TTC9C: variants seen among roughly 807,000 people sequenced by gnomAD.
The protein encoded by TTC9C is tetratricopeptide repeat domain 9C, also known as tetratricopeptide repeat protein 9C.
Under a neutral mutation model 22.5 loss-of-function variants are expected in TTC9C, and 15 were observed. The observed-to-expected ratio is 0.67, with a 90% CI of 0.45 to 1.03. The LOEUF (loss-of-function observed/expected upper bound fraction) is 1.03. Among genes scored for constraint, TTC9C ranks in the 50% least tolerant of loss-of-function variants. The probability of loss-of-function intolerance (pLI) is 0.00; values close to 1 mark genes in which losing one functional copy is unlikely to be tolerated. For missense variants in TTC9C, 244 were observed against 214.6 expected, an observed-to-expected ratio of 1.14 and a Z score of -0.86; for synonymous variants, 92 against 86.8, an observed-to-expected ratio of 1.06 and a Z score of -0.33.
chr11:62,737,530 G>A (rs1354253102), intron 2 of TTC9C, among the ~76,000 whole-genome samples: 1 of 152,164 alleles, frequency 6.6e-6, no homozygotes, highest in Non-Finnish European at 1.5e-5. Context: ...GATACTAGTA[G>A]CAGAGTCACC....
chr11:62,731,299 A>G (rs1362726237), intron 1 of TTC9C, among the ~76,000 whole-genome samples: 1 of 152,026 alleles, frequency 6.6e-6, no homozygotes, highest in African/African-American at 2.4e-5. Flanking sequence ...ACTTATCCAG[A>G]TTTGGACTCA....
At chr11:62,730,699 A>G (rs762057911) in intron 1 of TTC9C, among the ~76,000 whole-genome samples, 1 of 151,970 alleles carries the variant, frequency 6.6e-6, no homozygotes, top group Non-Finnish European at 1.5e-5. Context: ...TCAGCCTCCC[A>G]AGTAGCTGGG....
intron 2 of TTC9C, among the ~76,000 whole-genome samples, chr11:62,737,191 T>C (rs1036184014): frequency 6.6e-6 from 1 of 152,050 alleles, no homozygotes; most frequent in African/African-American, 2.4e-5. Flanking sequence ...AGAGGGAGAC[T>C]CCATCTCAAA....
intron 1 of TTC9C, among the ~76,000 whole-genome samples, chr11:62,734,688 GCCCAGGCTGGT>G (rs1454924620): frequency 6.6e-6 from 1 of 152,038 alleles, no homozygotes; most frequent in Admixed American, 6.6e-5. Context: ...TCACTATGTT[GCCCAGGCTGGT>G]CTTGAACTCC....
chr11:62,737,719 A>G (rs1189326057), intron 2 of TTC9C, among the ~76,000 whole-genome samples: 2 of 152,210 alleles, frequency 1.3e-5, no homozygotes, highest in South Asian at 4.1e-4. Flanking sequence ...TGCTTCATCA[A>G]TCTTGCTTTC....
intron 1 of TTC9C, among the ~76,000 whole-genome samples, chr11:62,730,014 C>T (rs558650242): frequency 6.6e-6 from 1 of 152,200 alleles, no homozygotes; most frequent in African/African-American, 2.4e-5. Context: ...ACGTTCATTT[C>T]TTTAGCTGCT....
Position 62,728,961 on chromosome 11 carries a change from T to G in TTC9C, c.113T>G (p.Leu38Arg), listed in dbSNP as rs2083804953. 1 of 1,614,002 alleles carries G rather than the reference T, an allele frequency of 6.2e-7. No homozygotes were observed. Among genetic ancestry groups the G allele is most frequent in the African/African-American group, 1.3e-5 (1 of 74,894 alleles). ...AGGTACCATCGAGCTCTGCTTCAGC[T>G]GCGGGGTCTGGATCCGAGTCTGCCC... is the stretch of plus-strand genomic sequence containing the variant. ...VSRYHRALLQLRGLDPSLPSP... is the reference protein window; with the variant it reads ...VSRYHRALLQRRGLDPSLPSP... The change falls in exon 1 of 3, where the codon CTG becomes CGG. Residue 38 changes from leucine (L) to arginine (R), a missense_variant. Transcript: ENST00000316461.
intron 1 of TTC9C, among the ~76,000 whole-genome samples, chr11:62,731,916 A>T (rs1439209289): frequency 6.9e-6 from 1 of 144,010 alleles, no homozygotes; most frequent in Non-Finnish European, 1.5e-5. Flanking sequence ...CCATCTCCTG[A>T]CCTAGTGATC....
upstream of TTC9C, chr11:62,728,442 C>A (rs918296860): frequency 1.3e-5 from 6 of 459,318 alleles, no homozygotes; most frequent in Non-Finnish European, 2.6e-5. Flanking sequence ...CTCCCTTCTA[C>A]TTCCAGGTCG....
At chr11:62,734,177 A>C (rs1423444060) in intron 1 of TTC9C, among the ~76,000 whole-genome samples, 1 of 151,828 alleles carries the variant, frequency 6.6e-6, no homozygotes, top group Non-Finnish European at 1.5e-5. Flanking sequence ...GTGTGCCTGT[A>C]ATCCCAGCTA....
chr11:62,730,977 C>T (rs912346323), intron 1 of TTC9C, among the ~76,000 whole-genome samples: 1 of 152,024 alleles, frequency 6.6e-6, no homozygotes, highest in Non-Finnish European at 1.5e-5. Context: ...CAACCTTTGC[C>T]TTCCAGGTTC....
chr11:62,736,406 C>G (rs369177742), intron 2 of TTC9C, among the ~76,000 whole-genome samples: 1 of 151,286 alleles, frequency 6.6e-6, no homozygotes, highest in Non-Finnish European at 1.5e-5. Context: ...AAAAATCAGC[C>G]GGGTGTGGCC....
intron 1 of TTC9C, among the ~76,000 whole-genome samples, 175 bp downstream of exon 1, chr11:62,729,261 G>A (rs1321915474): frequency 6.6e-6 from 1 of 152,058 alleles, no homozygotes; most frequent in Non-Finnish European, 1.5e-5. Context: ...CCATAGAGCA[G>A]GGCTTCTCAG....
upstream of TTC9C, chr11:62,728,121 G>C (rs941937004): frequency 1.3e-5 from 2 of 156,056 alleles, no homozygotes; most frequent in Non-Finnish European, 2.9e-5. Context: ...TTCTGATTGG[G>C]TGGTGTGGCG....
At chr11:62,730,899 T>A (rs541959081) in intron 1 of TTC9C, among the ~76,000 whole-genome samples, 164 of 150,434 alleles carry the variant, frequency 1.1e-3, no homozygotes, top group South Asian at 9.7e-3. Flanking sequence ...TTATTTATTT[T>A]TTTTTTTGAG....
intron 1 of TTC9C, 79 bp downstream of exon 1, chr11:62,729,165 C>T (rs989834967): frequency 1.5e-6 from 2 of 1,316,122 alleles, no homozygotes; most frequent in East Asian, 4.7e-5. Context: ...GGAAAAAACG[C>T]TGACTTTTTT....
chr11:62,732,806 C>T (rs1367835179), intron 1 of TTC9C, among the ~76,000 whole-genome samples: 2 of 151,732 alleles, frequency 1.3e-5, no homozygotes, highest in Non-Finnish European at 2.9e-5. Flanking sequence ...CCTGTAGTCC[C>T]AGCTACTTGG....
chr11:62,734,254 C>T (rs557723403), intron 1 of TTC9C, among the ~76,000 whole-genome samples: 38 of 151,556 alleles, frequency 2.5e-4, no homozygotes, highest in African/African-American at 9.0e-4. Flanking sequence ...GCTGAGATCG[C>T]GCCATTGCAC....
chr11:62,733,204 G>T, intron 1 of TTC9C: 1 of 1,267,846 alleles, frequency 7.9e-7, no homozygotes, highest in Non-Finnish European at 1.0e-6. Context: ...CTGCAGGTTT[G>T]TATTTCAAGG....
Sources: allele counts gnomAD v4.1 joint callset (sites outside exome capture counted in the v4.1 genomes callset), GRCh38; gene constraint gnomAD v4.1.1; transcripts MANE v1.5; gene names NCBI Gene and HGNC (gene_info 2026-07-23, HGNC 2026-07-21).